The following DLC1 variants were observed in gnomAD, a reference collection of about 807,000 sequenced individuals.
DLC1 encodes DLC1 Rho GTPase activating protein.
DLC1 carries 54 observed loss-of-function variants against 140.3 expected under a neutral mutation model. The observed-to-expected ratio is 0.38, with a 90% CI of 0.31 to 0.48. The LOEUF (loss-of-function observed/expected upper bound fraction) is 0.48. Ranked by LOEUF, DLC1 falls within the 20% of genes least tolerant of loss-of-function variation. DLC1 has a pLI of 0.96. For missense variants in DLC1, 2,536 were observed against 1,907.0 expected, an observed-to-expected ratio of 1.33 and a Z score of -6.14; for synonymous variants, 986 against 728.1, an observed-to-expected ratio of 1.35 and a Z score of -5.70.
In DLC1 at chr8:13,579,371, A is replaced by ATTT. The variant is rs1804983987; in HGVS notation, c.-126+25165_-126+25166insAAA. 3.2e-5 allele frequency among the ~76,000 whole-genome samples: 2 copies of ATTT among 63,336 alleles called. 1 individual carries two copies. Among genetic ancestry groups the ATTT allele is most frequent in the South Asian group, 1.0e-3 (2 of 1,956 alleles). The allele number at this position is 63,336 out of a possible 152,430, so 41.6% of individuals were successfully genotyped here. Reference sequence around the variant, plus strand: ...TATATATATATATATATTTTTATATAATACATATTTATATATTATATATTA... The same window carrying ATTT: ...TATATATATATATATATTTTTATATATTTATACATATTTATATATTATATATTA... On this transcript the variant is annotated intron_variant, in intron 1 of 1. Coordinates refer to the DLC1 transcript ENST00000631382.
chr8:13,203,196 A>G (rs1176022216), intron 5 of DLC1, among the ~76,000 whole-genome samples: 9 of 152,290 alleles, frequency 5.9e-5, no homozygotes. Context: ...CTGTTCAATT[A>G]CTCACTAGTT....
At chr8:13,441,521 C>A (rs891739949) in intron 2 of DLC1, among the ~76,000 whole-genome samples, 2 of 152,162 alleles carry the variant, frequency 1.3e-5, no homozygotes, top group Non-Finnish European at 2.9e-5. Context: ...TCTCAGGATA[C>A]AAAATCAATG....
chr8:13,087,611 T>C (rs1339177979), intron 16 of DLC1, among the ~76,000 whole-genome samples: 6 of 152,344 alleles, frequency 3.9e-5, no homozygotes, highest in Non-Finnish European at 1.5e-5. Flanking sequence ...AGAGGGTTTA[T>C]GTGCTCAGAC....
At chr8:13,482,422 A>ATATG (rs1554528969) in intron 2 of DLC1, among the ~76,000 whole-genome samples, 13 of 151,762 alleles carry the variant, frequency 8.6e-5, no homozygotes, top group African/African-American at 2.7e-4. Context: ...AAAGATAAAA[A>ATATG]TAGTTGATGA....
intron 3 of DLC1, among the ~76,000 whole-genome samples, chr8:13,398,543 T>C (rs1837154153): frequency 6.7e-6 from 1 of 149,626 alleles, no homozygotes. Context: ...GGTGTGAAGA[T>C]TGCTTGAGGC....
chr8:13,217,280 C>T (rs962028279), intron 5 of DLC1, among the ~76,000 whole-genome samples: 7 of 152,076 alleles, frequency 4.6e-5, no homozygotes, highest in East Asian at 3.8e-4. Context: ...AACCAAATCA[C>T]GTTTGTGACT....
intron 5 of DLC1, among the ~76,000 whole-genome samples, chr8:13,296,903 C>T (rs980085925): frequency 3.3e-5 from 5 of 151,834 alleles, no homozygotes; most frequent in African/African-American, 7.3e-5. Context: ...AAATTGTCAT[C>T]TACGTGTGTT....
intron 1 of DLC1, among the ~76,000 whole-genome samples, chr8:13,544,767 A>G (rs1366577932): frequency 6.6e-6 from 1 of 152,330 alleles, no homozygotes; most frequent in Admixed American, 6.5e-5. Context: ...GTCCATTAAA[A>G]AAGCTAAAAA....
At chr8:13,143,621 AT>A (rs35614849) in intron 5 of DLC1, among the ~76,000 whole-genome samples, 90,617 of 145,040 alleles carry the variant, frequency 0.62, 28,323 homozygotes, top group East Asian at 0.86. Context: ...ACCCTGGTTG[AT>A]TTTTTTTTTT....
At chr8:13,231,937 C>T (rs1273122427) in intron 5 of DLC1, among the ~76,000 whole-genome samples, 3 of 152,110 alleles carry the variant, frequency 2.0e-5, no homozygotes, top group Non-Finnish European at 4.4e-5. Context: ...CGCCAGAAAA[C>T]ATTATTCATG....
chr8:13,312,360 C>CAAAAAAAAAAAA (rs777597726), intron 4 of DLC1, among the ~76,000 whole-genome samples: 82 of 6,610 alleles, frequency 0.012, 8 homozygotes, highest in East Asian at 0.051. Context: ...GACTCCGTCT[C>CAAAAAAAAAAAA]AAAAAAAAAA....
At chr8:13,571,168 GCT>G (rs1446034301) in intron 1 of DLC1, among the ~76,000 whole-genome samples, 1 of 152,126 alleles carries the variant, frequency 6.6e-6, no homozygotes, top group Non-Finnish European at 1.5e-5. Context: ...TTTATTATGT[GCT>G]CTCTTCAGCA....
At chr8:13,274,451 A>G (rs1831079129) in intron 5 of DLC1, among the ~76,000 whole-genome samples, 1 of 152,222 alleles carries the variant, frequency 6.6e-6, no homozygotes, top group African/African-American at 2.4e-5. Context: ...ATTTCCCGCA[A>G]TGGACCTAGA....
At chr8:13,103,137 C>T (rs1156417176) in intron 7 of DLC1, among the ~76,000 whole-genome samples, 3 of 151,592 alleles carry the variant, frequency 2.0e-5, no homozygotes, top group Admixed American at 1.3e-4. Context: ...GGTGAAACCC[C>T]GTCTCTACTA....
intron 5 of DLC1, among the ~76,000 whole-genome samples, chr8:13,242,427 T>A (rs1474743501): frequency 1.3e-5 from 2 of 151,620 alleles, no homozygotes; most frequent in African/African-American, 4.8e-5. Context: ...ACAAGGTCTC[T>A]CTCTGTTGCC....
At position 13,265,973 on chromosome 8, in the gene DLC1, G is replaced by A. The variant is rs148960879; in HGVS notation, c.1348+39296C>T. ...AATTATTCTGCTGTTTACCCTCTAT[G>A]TTTATCTTCAGTTGTGCAATGATTA... On this transcript the variant is annotated intron_variant, in intron 5 of 17. Coordinates refer to ENST00000276297, the MANE Select transcript of DLC1 (RefSeq NM_182643.3). Among the ~76,000 whole-genome samples, 344 of 152,208 alleles carry A rather than the reference G, an allele frequency of 2.3e-3. 1 individual carries two copies. The highest frequency in any genetic ancestry group is 7.9e-3 in the African/African-American group (327 of 41,528).
chr8:13,493,243 A>T (rs1168363545), intron 2 of DLC1, among the ~76,000 whole-genome samples: 4 of 152,126 alleles, frequency 2.6e-5, no homozygotes, highest in African/African-American at 7.2e-5. Flanking sequence ...ATATATACCT[A>T]CCCTGCTTTA....
In DLC1 at chr8:13,092,579, CCT is replaced by C. The variant is rs34094992; in HGVS notation, c.3740+31_3740+32del. The C allele has an allele frequency of 0.33, 521,703 of 1,602,760 alleles. 90,919 individuals are homozygous for C. The highest frequency in any genetic ancestry group is 0.61 in the East Asian group (27,071 of 44,562). On this transcript the variant is annotated intron_variant, in intron 13 of 17. Coordinates refer to ENST00000276297, the MANE Select transcript of DLC1 (RefSeq NM_182643.3). ...GTCCTAGGAAGAATGTAGGCTGCCCCCTGTGTGCATGCACCTCCCATGCAGCC... is the reference window on the plus strand; with the variant it reads ...GTCCTAGGAAGAATGTAGGCTGCCCCGTGTGCATGCACCTCCCATGCAGCC...
chr8:13,428,393 T>A (rs145805728), intron 2 of DLC1, among the ~76,000 whole-genome samples: 1 of 152,306 alleles, frequency 6.6e-6, no homozygotes, highest in Non-Finnish European at 1.5e-5. Context: ...TCAAATCAAT[T>A]TTCAAAAATT....
Sources: allele counts gnomAD v4.1 joint callset (sites outside exome capture counted in the v4.1 genomes callset), GRCh38; gene constraint gnomAD v4.1.1; transcripts MANE v1.5; gene names NCBI Gene and HGNC (gene_info 2026-07-23, HGNC 2026-07-21).